C5orf63: variants seen among roughly 807,000 people sequenced by gnomAD.
The protein encoded by C5orf63 is chromosome 5 open reading frame 63.
C5orf63 carries 18 observed loss-of-function variants against 13.3 expected under a neutral mutation model. The ratio of observed to expected loss-of-function variants is 1.36; its 90% confidence interval spans 0.94 to 2.01. C5orf63 has a LOEUF of 2.01. Among genes scored for constraint, C5orf63 ranks in the 30% most tolerant of loss-of-function variants. C5orf63 has a pLI of 0.00. For missense variants in C5orf63, 118 were observed against 127.7 expected (o/e 0.92, Z 0.36); for synonymous variants, 38 against 44.7 (o/e 0.85, Z 0.60).
chr5:127,060,380 C>T (rs1211638004), intron 2 of C5orf63, among the ~76,000 whole-genome samples: 2 of 152,328 alleles, frequency 1.3e-5, no homozygotes, highest in East Asian at 1.9e-4. Flanking sequence ...TTTGAAGCTT[C>T]CTCATCCTGC....
rs778843269 is a variant in C5orf63, at chr5:127,051,578, T to C, written c.*193A>G. On this transcript the variant is annotated 3_prime_UTR_variant, in exon 5 of 5. Coordinates refer to ENST00000296662, the MANE Select transcript of C5orf63 (RefSeq NM_001164478.2). ...AATATGCTCTTCTTATTTTATAAAA[T>C]GCCATTAAGCAAACAGTTCCCACAC... 31 of 1,247,986 alleles carry C rather than the reference T, an allele frequency of 2.5e-5. No homozygotes were observed. Among genetic ancestry groups the C allele is most frequent in the Non-Finnish European group, 2.9e-5 (29 of 996,924 alleles). The allele number at this position is 1,247,986 out of a possible 1,614,324, so 77.3% of individuals were successfully genotyped here. A position where few individuals can be genotyped will look rare whatever the true frequency, so the allele number is the denominator to read the frequency against.
chr5:127,068,219 A>G (rs1312130668), intron 2 of C5orf63, among the ~76,000 whole-genome samples: 1 of 152,170 alleles, frequency 6.6e-6, no homozygotes, highest in Non-Finnish European at 1.5e-5. Context: ...GGGAAATCAC[A>G]TGCTAAACAA....
downstream of C5orf63, among the ~76,000 whole-genome samples, chr5:127,048,802 C>G (rs534425388): frequency 3.3e-5 from 5 of 152,298 alleles, no homozygotes; most frequent in African/African-American, 1.2e-4. Flanking sequence ...AGAGAACAAA[C>G]GTCTCTAGGC....
chr5:127,059,488 G>T (rs1314826145), intron 2 of C5orf63, among the ~76,000 whole-genome samples: 1 of 151,972 alleles, frequency 6.6e-6, no homozygotes, highest in Non-Finnish European at 1.5e-5. Context: ...GGCACTTTGG[G>T]AGGCCAAAAT....
At chr5:127,059,794 G>A (rs1353573618) in intron 2 of C5orf63, among the ~76,000 whole-genome samples, 1 of 151,824 alleles carries the variant, frequency 6.6e-6, no homozygotes, top group Non-Finnish European at 1.5e-5. Context: ...TAAGTCCCCA[G>A]GTAAAGGTTC....
chr5:127,048,725 C>T (rs1018562201), downstream of C5orf63, among the ~76,000 whole-genome samples: 2 of 152,150 alleles, frequency 1.3e-5, no homozygotes, highest in Non-Finnish European at 2.9e-5. Flanking sequence ...AATACTGTTT[C>T]ACCTTTAGTC....
chr5:127,049,736 T>C (rs1466351726), downstream of C5orf63, among the ~76,000 whole-genome samples: 5 of 152,246 alleles, frequency 3.3e-5, no homozygotes, highest in Non-Finnish European at 7.3e-5. Flanking sequence ...GACATATTTA[T>C]TGTCTTTCAG....
At chr5:127,049,532 T>C (rs1417222017), downstream of C5orf63, among the ~76,000 whole-genome samples, 25 of 152,224 alleles carry the variant, frequency 1.6e-4, no homozygotes, top group Admixed American at 1.5e-3. Context: ...CCAGCCCTCA[T>C]TGCACTATGC....
downstream of C5orf63, chr5:127,044,757 C>T (rs1357429335): frequency 6.6e-6 from 1 of 151,042 alleles, no homozygotes. Flanking sequence ...GTTATGGCTA[C>T]CTCATTCTAT....
intron 2 of C5orf63, among the ~76,000 whole-genome samples, chr5:127,060,740 G>T (rs553531412): frequency 1.3e-5 from 2 of 152,270 alleles, no homozygotes; most frequent in South Asian, 4.2e-4. Flanking sequence ...TGCATGAAAA[G>T]CTCTGAAGTA....
chr5:127,054,453 T>C (rs1753800925), intron 3 of C5orf63, among the ~76,000 whole-genome samples: 1 of 152,214 alleles, frequency 6.6e-6, no homozygotes, highest in African/African-American at 2.4e-5. Flanking sequence ...TGGTATCTCA[T>C]TGTGGTTTTG....
intron 3 of C5orf63, chr5:127,056,485 G>A (rs1561489604): frequency 6.5e-6 from 1 of 152,790 alleles, no homozygotes; most frequent in African/African-American, 2.4e-5. Flanking sequence ...CAGGCAAAGA[G>A]AGACCTTGTG....
downstream of C5orf63, chr5:127,047,456 G>C (rs1753543378): frequency 1.1e-5 from 5 of 455,326 alleles, no homozygotes; most frequent in East Asian, 1.8e-4. Context: ...CATTTTGCCA[G>C]CTGTTGGGAC....
At chr5:127,061,444 C>G (rs1754102098) in intron 2 of C5orf63, among the ~76,000 whole-genome samples, 1 of 152,200 alleles carries the variant, frequency 6.6e-6, no homozygotes, top group Non-Finnish European at 1.5e-5. Flanking sequence ...TCCACTTCTA[C>G]TTGGATCTCT....
intron 1 of C5orf63, among the ~76,000 whole-genome samples, chr5:127,072,638 AT>A (rs142101827): frequency 1.5e-3 from 225 of 149,688 alleles, no homozygotes; most frequent in African/African-American, 4.8e-3. Flanking sequence ...CATACTATGG[AT>A]TTTTTTTTTA....
intron 2 of C5orf63, among the ~76,000 whole-genome samples, chr5:127,059,728 CAAAAAAA>C (rs58498141): frequency 1.0e-5 from 1 of 99,236 alleles, no homozygotes; most frequent in Non-Finnish European, 2.1e-5. Flanking sequence ...GATCTTATCT[CAAAAAAA>C]AAAAAAAAGA....
intron 3 of C5orf63, among the ~76,000 whole-genome samples, chr5:127,054,654 A>G (rs1036692616): frequency 2.0e-5 from 3 of 152,196 alleles, no homozygotes; most frequent in Non-Finnish European, 2.9e-5. Flanking sequence ...TCAGCTGGGT[A>G]GATTGCAAAA....
chr5:127,065,634 T>C (rs1216975569), intron 2 of C5orf63, among the ~76,000 whole-genome samples: 1 of 152,130 alleles, frequency 6.6e-6, no homozygotes, highest in Non-Finnish European at 1.5e-5. Flanking sequence ...AGGATTTTAA[T>C]GGTGGTTAAG....
intron 3 of C5orf63, among the ~76,000 whole-genome samples, chr5:127,055,716 C>T (rs1753857577): frequency 1.3e-5 from 2 of 152,070 alleles, no homozygotes; most frequent in Non-Finnish European, 2.9e-5. Flanking sequence ...AAAAACTCAA[C>T]ACAGGATCTT....
Sources: allele counts gnomAD v4.1 joint callset (sites outside exome capture counted in the v4.1 genomes callset), GRCh38; gene constraint gnomAD v4.1.1; transcripts MANE v1.5; gene names NCBI Gene and HGNC (gene_info 2026-07-23, HGNC 2026-07-21).